Variants in PLXNA2 observed in about 807,000 individuals in gnomAD.
PLXNA2 encodes plexin-A2.
PLXNA2 carries 91 observed loss-of-function variants against 193.5 expected under a neutral mutation model. The observed-to-expected ratio is 0.47, with a 90% CI of 0.40 to 0.56. The LOEUF (loss-of-function observed/expected upper bound fraction) is 0.56, where lower values mean the gene tolerates loss of function less well. Among genes scored for constraint, PLXNA2 ranks in the 20% least tolerant of loss-of-function variants. The pLI, the probability that PLXNA2 is intolerant of heterozygous loss-of-function variation, is 0.00. For missense variants in PLXNA2, 1,995 were observed against 2,503.2 expected (o/e 0.80, Z 4.33); for synonymous variants, 997 against 1,027.3 (o/e 0.97, Z 0.56).
rs972832396 is a variant in PLXNA2 at position 208,023,283 on chromosome 1, C to G, written c.*3960G>C. The G allele has an allele frequency of 6.6e-6, 1 of 152,608 alleles. No homozygotes were observed. The highest frequency in any genetic ancestry group is 2.4e-5 in the African/African-American group (1 of 41,432). The allele number at this position is 152,608 out of a possible 1,614,324, so 9.5% of individuals were successfully genotyped here. A position where few individuals can be genotyped will look rare whatever the true frequency, so the allele number is the denominator to read the frequency against. ...CAGCGTGGCTGGGAAAAAAAGACGG[C>G]CTCTCCTGGAGCAGCTGCTGGATCA... On this transcript the variant is annotated 3_prime_UTR_variant, in exon 32 of 32. Coordinates refer to ENST00000367033, the MANE Select transcript of PLXNA2 (RefSeq NM_025179.4).
Position 208,165,473 on chromosome 1 carries a change from G to A in PLXNA2, c.1372-23010C>T, listed in dbSNP as rs552211494. Among the ~76,000 whole-genome samples, 7 of 152,274 alleles carry A rather than the reference G, an allele frequency of 4.6e-5. No homozygotes were observed. The South Asian group carries it at 8.3e-4, about 18-fold the overall frequency. On this transcript the variant is annotated intron_variant, in intron 3 of 31. Transcript: ENST00000367033. ...AGTCACACATCTAGGAAGTGGCAGC[G>A]TGGACTTCAGTAAGGGCTTTCTGAT...
At chr1:208,094,584 T>C (rs1261099104) in intron 8 of PLXNA2, among the ~76,000 whole-genome samples, 4 of 152,080 alleles carry the variant, frequency 2.6e-5, no homozygotes, top group Non-Finnish European at 5.9e-5. Context: ...CATGTTGGAG[T>C]TTGAGAAGGA....
intron 7 of PLXNA2, among the ~76,000 whole-genome samples, chr1:208,096,449 C>T (rs915211946): frequency 6.6e-6 from 1 of 152,122 alleles, no homozygotes; most frequent in Admixed American, 6.5e-5. Flanking sequence ...TGTGGAGAGA[C>T]CTGCTAAAAA....
chr1:208,199,203 G>C (rs1670458237), intron 3 of PLXNA2, among the ~76,000 whole-genome samples: 1 of 152,188 alleles, frequency 6.6e-6, no homozygotes, highest in Non-Finnish European at 1.5e-5. Flanking sequence ...GTTCTGGTAA[G>C]ATCCCTGAGA....
chr1:208,130,625 G>A (rs1337452808), intron 4 of PLXNA2, among the ~76,000 whole-genome samples: 2 of 152,160 alleles, frequency 1.3e-5, no homozygotes, highest in African/African-American at 2.4e-5. Context: ...TGGGGAAAAT[G>A]AGGCTCCAGT....
chr1:208,213,701 C>T (rs1297494428), intron 2 of PLXNA2, among the ~76,000 whole-genome samples: 2 of 152,132 alleles, frequency 1.3e-5, no homozygotes, highest in Non-Finnish European at 2.9e-5. Flanking sequence ...TCCTTATTCC[C>T]CTCTAAGGCC....
intron 5 of PLXNA2, among the ~76,000 whole-genome samples, chr1:208,101,733 T>G (rs901647166): frequency 1.3e-5 from 2 of 152,136 alleles, no homozygotes; most frequent in African/African-American, 2.4e-5. Flanking sequence ...CGATCTATAA[T>G]TTTGGTGTGT....
rs1209465541 is a variant in PLXNA2, at chr1:208,026,587, T to A, written c.*656A>T. On this transcript the variant is annotated 3_prime_UTR_variant, in exon 32 of 32. Transcript: ENST00000367033. Reference sequence around the variant, plus strand: ...CTGCCGGGATAATTCCAGGTTTTACTGGCCTCTGTTTTTGCGAAGTGTTTG... The same window carrying A: ...CTGCCGGGATAATTCCAGGTTTTACAGGCCTCTGTTTTTGCGAAGTGTTTG... The A allele has an allele frequency of 6.6e-6, 1 of 152,048 alleles. No homozygotes were observed. Among genetic ancestry groups the A allele is most frequent in the Admixed American group, 6.5e-5 (1 of 15,274 alleles). 9.4% of individuals were successfully genotyped at this position (152,048 alleles called of 1,614,324 possible).
At chr1:208,032,470 C>T (rs879795391) in intron 28 of PLXNA2, among the ~76,000 whole-genome samples, 5 of 152,154 alleles carry the variant, frequency 3.3e-5, no homozygotes, top group Non-Finnish European at 7.3e-5. Flanking sequence ...AAAATGGAGA[C>T]ATGGGGTCTC....
intron 3 of PLXNA2, among the ~76,000 whole-genome samples, chr1:208,163,079 CAT>C (rs1482483622): frequency 6.6e-6 from 1 of 152,072 alleles, no homozygotes; most frequent in African/African-American, 2.4e-5. Context: ...TGAGTCAAGA[CAT>C]AGGCATGGAC....
At chr1:208,117,957 T>C (rs1004278588) in intron 4 of PLXNA2, among the ~76,000 whole-genome samples, 35 of 152,210 alleles carry the variant, frequency 2.3e-4, no homozygotes, top group African/African-American at 7.5e-4. Flanking sequence ...CCTTTCATTA[T>C]CTACAAGTGT....
At chr1:208,094,427 G>A (rs372227282) in intron 8 of PLXNA2, among the ~76,000 whole-genome samples, 19 of 152,186 alleles carry the variant, frequency 1.2e-4, no homozygotes, top group African/African-American at 4.3e-4. Context: ...TGCTGTCAAG[G>A]AGACCTGCTT....
At chr1:208,145,981 C>T (rs1394904494) in intron 3 of PLXNA2, among the ~76,000 whole-genome samples, 3 of 152,138 alleles carry the variant, frequency 2.0e-5, no homozygotes, top group Admixed American at 6.5e-5. Flanking sequence ...CCGATCCATG[C>T]TATCTGCCCC....
At chr1:208,150,753 A>G (rs922784264) in intron 3 of PLXNA2, among the ~76,000 whole-genome samples, 9 of 152,164 alleles carry the variant, frequency 5.9e-5, no homozygotes, top group Admixed American at 2.0e-4. Flanking sequence ...ATGCCTTCCT[A>G]CAGTTAATGA....
intron 3 of PLXNA2, among the ~76,000 whole-genome samples, chr1:208,154,388 ATTC>A (rs1365162917): frequency 6.6e-6 from 1 of 152,124 alleles, no homozygotes; most frequent in Admixed American, 6.5e-5. Context: ...TGCAGCCTCT[ATTC>A]TTCTCCTTAG....
chr1:208,240,133 C>T (rs1164010288), intron 1 of PLXNA2, among the ~76,000 whole-genome samples: 1 of 152,224 alleles, frequency 6.6e-6, no homozygotes, highest in Non-Finnish European at 1.5e-5. Flanking sequence ...CCTCCTCTCC[C>T]CTTACACTCT....
intron 3 of PLXNA2, among the ~76,000 whole-genome samples, chr1:208,164,864 T>C (rs545936445): frequency 1.3e-5 from 2 of 152,314 alleles, no homozygotes; most frequent in African/African-American, 4.8e-5. Flanking sequence ...CCGGGACCCT[T>C]GTCTGCAGAT....
At chr1:208,060,907 T>C (rs1197884756) in intron 12 of PLXNA2, 70 bp from the exon 13 acceptor site, 8 of 1,465,378 alleles carry the variant, frequency 5.5e-6, no homozygotes, top group East Asian at 2.3e-5. Context: ...CCCTTCCCCC[T>C]CCCCCAGGGA....
rs1283480216 is a variant in PLXNA2, at chr1:208,128,303, C to CGT, written c.1506+14024_1506+14025dup. 5.9e-5 allele frequency among the ~76,000 whole-genome samples: 9 copies of CGT among 152,198 alleles called. No homozygotes were observed. In the East Asian group the frequency reaches 1.7e-3, roughly 29 times the overall value. Reference sequence around the variant, plus strand: ...TGACTTAAGGATGAAAAATGGGCAACGTGTTAGTTGTGGGGGACTCCATGG... The same window carrying CGT: ...TGACTTAAGGATGAAAAATGGGCAACGTGTGTTAGTTGTGGGGGACTCCATGG... On this transcript the variant is annotated intron_variant, in intron 4 of 31. Coordinates refer to ENST00000367033, the MANE Select transcript of PLXNA2 (RefSeq NM_025179.4).
Sources: allele counts gnomAD v4.1 joint callset (sites outside exome capture counted in the v4.1 genomes callset), GRCh38; gene constraint gnomAD v4.1.1; transcripts MANE v1.5; gene names NCBI Gene and HGNC (gene_info 2026-07-23, HGNC 2026-07-21).